KLHL2: variants seen among roughly 807,000 people sequenced by gnomAD.
The protein encoded by KLHL2 is kelch like family member 2, also known as kelch-like protein 2.
KLHL2 carries 15 observed loss-of-function variants against 75.8 expected under a neutral mutation model. The ratio of observed to expected loss-of-function variants is 0.20; its 90% CI spans 0.13 to 0.30. KLHL2 has a LOEUF of 0.30. Ranked by LOEUF, KLHL2 falls within the 10% of genes least tolerant of loss-of-function variation. KLHL2 has a pLI of 1.00. For missense variants in KLHL2, 381 were observed against 741.0 expected, an observed-to-expected ratio of 0.51 and a Z score of 5.64; for synonymous variants, 214 against 251.9, an observed-to-expected ratio of 0.85 and a Z score of 1.42.
intron 5 of KLHL2, among the ~76,000 whole-genome samples, chr4:165,272,012 C>T (rs1169165604): frequency 1.3e-5 from 2 of 152,076 alleles, no homozygotes; most frequent in Non-Finnish European, 2.9e-5. Flanking sequence ...AGTAGTAGTC[C>T]TAGAATCCGT....
chr4:165,234,253 CTTTG>C (rs1054154908), intron 3 of KLHL2, among the ~76,000 whole-genome samples: 2 of 152,102 alleles, frequency 1.3e-5, no homozygotes, highest in Admixed American at 1.3e-4. Flanking sequence ...TCAGTAACTG[CTTTG>C]TAACCTAAGA....
intron 5 of KLHL2, chr4:165,278,975 C>T: frequency 6.7e-7 from 1 of 1,492,540 alleles, no homozygotes; most frequent in Non-Finnish European, 9.4e-7. Context: ...CATTGGAATT[C>T]CAAAAAATTC....
At chr4:165,208,014 G>T in intron 1 of KLHL2, 112 bp downstream of exon 1, 1 of 663,792 alleles carries the variant, frequency 1.5e-6, no homozygotes, top group Non-Finnish European at 2.1e-6. Flanking sequence ...GGCGGGAGGT[G>T]GGAGATGCGG....
At chr4:165,260,646 G>T (rs999671242) in intron 4 of KLHL2, among the ~76,000 whole-genome samples, 33 of 152,014 alleles carry the variant, frequency 2.2e-4, no homozygotes, top group African/African-American at 8.0e-4. Context: ...ATATATTTTA[G>T]AAATTATCTC....
chr4:165,308,411 C>G (rs1033492873), intron 9 of KLHL2, among the ~76,000 whole-genome samples: 5 of 152,134 alleles, frequency 3.3e-5, no homozygotes, highest in African/African-American at 1.2e-4. Flanking sequence ...GCCCTCTTTC[C>G]TCTCCCTCCT....
chr4:165,279,696 G>A, intron 5 of KLHL2: 1 of 1,471,608 alleles, frequency 6.8e-7, no homozygotes, highest in East Asian at 2.3e-5. Context: ...CTGGGTGACG[G>A]CGGCGGGAGG....
intron 5 of KLHL2, among the ~76,000 whole-genome samples, chr4:165,285,467 T>G (rs1045551205): frequency 4.6e-5 from 7 of 152,138 alleles, no homozygotes; most frequent in Non-Finnish European, 1.0e-4. Context: ...AGTGCAGTGG[T>G]GCAATCTAGG....
chr4:165,282,652 A>G (rs1187349570), intron 5 of KLHL2, among the ~76,000 whole-genome samples: 1 of 151,756 alleles, frequency 6.6e-6, no homozygotes, highest in East Asian at 1.9e-4. Flanking sequence ...TGTACAGACC[A>G]TTGAAGGATA....
intron 4 of KLHL2, among the ~76,000 whole-genome samples, chr4:165,260,576 G>A (rs1023844062): frequency 8.7e-5 from 13 of 148,848 alleles, no homozygotes; most frequent in African/African-American, 2.8e-4. Flanking sequence ...ATGTGTGTGT[G>A]TGGGGGGGGT....
intron 1 of KLHL2, among the ~76,000 whole-genome samples, chr4:165,217,397 TC>T (rs1042720894): frequency 6.6e-6 from 1 of 152,204 alleles, no homozygotes; most frequent in African/African-American, 2.4e-5. Flanking sequence ...TGTTCTGCCA[TC>T]TTTTTGGCTT....
intron 1 of KLHL2, chr4:165,210,231 T>TC: frequency 6.8e-7 from 1 of 1,474,246 alleles, no homozygotes; most frequent in South Asian, 1.2e-5. Context: ...TGAATGCCTG[T>TC]CTCTGCCTGG....
intron 13 of KLHL2, among the ~76,000 whole-genome samples, 153 bp from the exon 14 acceptor site, chr4:165,317,673 A>G (rs1052033291): frequency 5.3e-5 from 8 of 152,200 alleles, no homozygotes; most frequent in Admixed American, 3.3e-4. Context: ...CTATCCTAAT[A>G]TAAAACGAAT....
At chr4:165,282,959 G>A (rs979698163) in intron 5 of KLHL2, among the ~76,000 whole-genome samples, 1 of 151,898 alleles carries the variant, frequency 6.6e-6, no homozygotes, top group East Asian at 1.9e-4. Flanking sequence ...GCAAGGAGGA[G>A]CAAGTCATAT....
intron 1 of KLHL2, chr4:165,209,923 G>A: frequency 8.9e-7 from 1 of 1,128,454 alleles, no homozygotes; most frequent in Non-Finnish European, 1.2e-6. Context: ...TGGCCTGTTT[G>A]CCTCCACTCC....
intron 12 of KLHL2, 60 bp downstream of exon 12, chr4:165,313,426 A>G: frequency 7.2e-7 from 1 of 1,385,088 alleles, no homozygotes; most frequent in Non-Finnish European, 9.5e-7. Flanking sequence ...AGTTAAAGTA[A>G]AATGATTCAG....
rs547435066 is a variant in KLHL2, at chr4:165,222,053, C to T, written c.152+1994C>T. Reference sequence around the variant, plus strand: ...TTTCCCCACTCCTATGGGTGGGGCACGGGTAGCCTTGGCTTTCTGCTGGTG... The same window carrying T: ...TTTCCCCACTCCTATGGGTGGGGCATGGGTAGCCTTGGCTTTCTGCTGGTG... On this transcript the variant is annotated intron_variant, in intron 2 of 14. Coordinates refer to ENST00000226725, the MANE Select transcript of KLHL2 (RefSeq NM_007246.4). Among the ~76,000 whole-genome samples the T allele has an allele frequency of 4.3e-3, 658 of 151,992 alleles. 6 individuals are homozygous for T. Among genetic ancestry groups the T allele is most frequent in the African/African-American group, 0.015 (629 of 41,422 alleles).
At chr4:165,249,416 A>T (rs1450151986) in intron 4 of KLHL2, among the ~76,000 whole-genome samples, 1 of 152,218 alleles carries the variant, frequency 6.6e-6, no homozygotes, top group East Asian at 1.9e-4. Flanking sequence ...AAGTGATAGA[A>T]TTAGTAATCA....
intron 4 of KLHL2, among the ~76,000 whole-genome samples, chr4:165,254,301 C>G (rs1740980063): frequency 2.0e-5 from 3 of 152,158 alleles, no homozygotes; most frequent in Non-Finnish European, 2.9e-5. Context: ...TTTATTATTA[C>G]TGATTATAAC....
chr4:165,225,124 G>A (rs556684161), intron 2 of KLHL2, among the ~76,000 whole-genome samples: 15 of 152,246 alleles, frequency 9.9e-5, no homozygotes, highest in Non-Finnish European at 1.6e-4. Context: ...TTATTTAGGA[G>A]ATGGAGTGCC....
Sources: gnomAD v4.1 joint callset for allele counts (sites outside exome capture counted in the v4.1 genomes callset) on GRCh38, gnomAD v4.1.1 for gene constraint, MANE v1.5 for transcripts, NCBI Gene and HGNC (gene_info 2026-07-23, HGNC 2026-07-21) for gene names.